Variants in CAMK2B observed in about 807,000 individuals in gnomAD.
The protein encoded by CAMK2B is calcium/calmodulin dependent protein kinase II beta.
In CAMK2B, 27 loss-of-function variants were observed where a neutral mutation model predicts 93.7. The ratio of observed to expected loss-of-function variants is 0.29; its 90% CI spans 0.21 to 0.40. The LOEUF (loss-of-function observed/expected upper bound fraction) is 0.40. Among genes scored for constraint, CAMK2B ranks in the 10% least tolerant of loss-of-function variants. The probability of loss-of-function intolerance (pLI) is 1.00; values close to 1 mark genes in which losing one functional copy is unlikely to be tolerated. For missense variants in CAMK2B, 568 were observed against 895.8 expected, an observed-to-expected ratio of 0.63 and a Z score of 4.67; for synonymous variants, 374 against 358.8, an observed-to-expected ratio of 1.04 and a Z score of -0.48.
chr7:44,257,979 G>A (rs1180682528), intron 4 of CAMK2B, among the ~76,000 whole-genome samples: 1 of 152,258 alleles, frequency 6.6e-6, no homozygotes, highest in African/African-American at 2.4e-5. Context: ...TTCTCTGGCT[G>A]TGTGGCCGCC....
intron 15 of CAMK2B, 81 bp downstream of exon 15, chr7:44,234,309 C>T: frequency 7.6e-7 from 1 of 1,308,488 alleles, no homozygotes; most frequent in Admixed American, 2.9e-5. Context: ...CCCACCTTCA[C>T]CCGGCCCCCT....
chr7:44,220,270 A>G lies in CAMK2B; in HGVS notation c.1793T>C (p.Ile598Thr). 1.2e-6 allele frequency: 2 copies of G among 1,612,876 alleles called. No homozygotes were observed. The highest frequency in any genetic ancestry group is 1.7e-6 in the Non-Finnish European group (2 of 1,179,852). ...ENLLAKNSKP[I>T]HTTILNPHVH... ...GTGTGGGTTCAGGATGGTCGTGTGG[A>G]TCGGCTTGCTGTTCTTGGCCAGCAC... is the stretch of plus-strand genomic sequence containing the variant. The change falls in exon 23 of 24, where the codon ATC becomes ACC. Residue 598 changes from isoleucine (I) to threonine (T), a missense_variant. Coordinates refer to ENST00000395749, the MANE Select transcript of CAMK2B (RefSeq NM_001220.5).
At chr7:44,294,342 C>T (rs2129150639) in intron 1 of CAMK2B, among the ~76,000 whole-genome samples, 1 of 152,286 alleles carries the variant, frequency 6.6e-6, no homozygotes, top group Middle Eastern at 3.4e-3. Context: ...GTGGCACACA[C>T]AGGTAGCAAA....
At chr7:44,324,736 T>C (rs1797031101) in intron 1 of CAMK2B, among the ~76,000 whole-genome samples, 1 of 152,050 alleles carries the variant, frequency 6.6e-6, no homozygotes, top group Admixed American at 6.5e-5. Flanking sequence ...CCTGACCTCG[T>C]CCTCCCCACA....
At chr7:44,281,722 T>A (rs1045466470) in intron 2 of CAMK2B, among the ~76,000 whole-genome samples, 1 of 152,032 alleles carries the variant, frequency 6.6e-6, no homozygotes, top group Non-Finnish European at 1.5e-5. Context: ...TTACTGGACA[T>A]CCCTCCTGAG....
At position 44,254,613 on chromosome 7, in the gene CAMK2B, G is replaced by T. The variant is rs1220712384; in HGVS notation, c.276-6C>A. 2 of 1,608,730 alleles carry T rather than the reference G, an allele frequency of 1.2e-6. No homozygotes were observed. Among genetic ancestry groups the T allele is most frequent in the Non-Finnish European group, 1.7e-6 (2 of 1,176,796 alleles). ...AGAGCTCCCCACCAGTGACCCTATG[G>T]GAGAAGCATGAAGGGGTCACAGATT... is the stretch of plus-strand genomic sequence containing the variant. On this transcript the variant is annotated splice_region_variant and splice_polypyrimidine_tract_variant and intron_variant, in intron 4 of 23. Transcript: ENST00000395749.
At chr7:44,232,898 A>G (rs1441351415) in intron 15 of CAMK2B, 32 bp from the exon 16 acceptor site, 1 of 1,600,914 alleles carries the variant, frequency 6.2e-7, no homozygotes, top group East Asian at 2.2e-5. Flanking sequence ...GAGGAAGGAA[A>G]GAGAGGGAAA....
intron 1 of CAMK2B, chr7:44,325,018 C>G (rs1797132172): frequency 6.6e-6 from 1 of 151,574 alleles, no homozygotes; most frequent in African/African-American, 2.4e-5. Context: ...CGCGCCCCTC[C>G]TCTCTGACCT....
At chr7:44,240,118 C>A (rs1012549527) in intron 12 of CAMK2B, among the ~76,000 whole-genome samples, 1 of 148,546 alleles carries the variant, frequency 6.7e-6, no homozygotes, top group African/African-American at 2.5e-5. Flanking sequence ...CTTGTCCAGA[C>A]CTGGGCTGCC....
intron 1 of CAMK2B, among the ~76,000 whole-genome samples, chr7:44,305,479 T>A (rs1791205985): frequency 6.6e-6 from 1 of 152,040 alleles, no homozygotes; most frequent in Admixed American, 6.6e-5. Flanking sequence ...CAAGCCCCAG[T>A]CTCAAAAACA....
At chr7:44,264,191 G>A (rs548047194) in intron 2 of CAMK2B, among the ~76,000 whole-genome samples, 1 of 152,284 alleles carries the variant, frequency 6.6e-6, no homozygotes, top group Admixed American at 6.5e-5. Context: ...GGAATGCCCA[G>A]TAGCACCCAG....
chr7:44,296,769 A>G (rs935475179), intron 1 of CAMK2B, among the ~76,000 whole-genome samples: 1 of 152,250 alleles, frequency 6.6e-6, no homozygotes, highest in African/African-American at 2.4e-5. Flanking sequence ...GGAGTAAAAT[A>G]TCTAAAGTGT....
chr7:44,294,681 C>T (rs769292326), intron 1 of CAMK2B, among the ~76,000 whole-genome samples: 2 of 152,182 alleles, frequency 1.3e-5, no homozygotes. Flanking sequence ...CCCCAAAGTG[C>T]ACCCAGGCCA....
chr7:44,262,799 C>A (rs1031590888), intron 3 of CAMK2B, among the ~76,000 whole-genome samples: 3 of 152,140 alleles, frequency 2.0e-5, no homozygotes, highest in African/African-American at 7.2e-5. Context: ...CTCTGAGCAC[C>A]CCCGGGAATC....
intron 5 of CAMK2B, among the ~76,000 whole-genome samples, chr7:44,252,145 T>C (rs966433916): frequency 5.9e-5 from 9 of 151,298 alleles, no homozygotes; most frequent in African/African-American, 2.2e-4. Context: ...GGCGGAGGGG[T>C]TGGCGCTCTG....
chr7:44,217,945 GC>G lies in CAMK2B; in HGVS notation c.*1579del, dbSNP rs928369057. ...CCCATGGTACACACCATCACAAGGG[GC>G]CGGGGACCCACCGCCTCGAACCCAG... On this transcript the variant is annotated 3_prime_UTR_variant, in exon 24 of 24. Transcript: ENST00000395749. 1.3e-5 allele frequency: 2 copies of G among 152,284 alleles called. No individual in the cohort carries two copies. Among genetic ancestry groups the G allele is most frequent in the Non-Finnish European group, 2.9e-5 (2 of 68,244 alleles). 9.4% of individuals were successfully genotyped at this position (152,284 alleles called of 1,614,324 possible).
At chr7:44,319,252 G>A (rs576854882) in intron 1 of CAMK2B, among the ~76,000 whole-genome samples, 2 of 152,288 alleles carry the variant, frequency 1.3e-5, no homozygotes, top group East Asian at 3.9e-4. Flanking sequence ...CTGGATGAGG[G>A]AGGTGGCATC....
intron 1 of CAMK2B, among the ~76,000 whole-genome samples, chr7:44,304,315 C>G (rs1191011128): frequency 1.3e-5 from 2 of 152,198 alleles, no homozygotes; most frequent in East Asian, 3.8e-4. Context: ...CACCTTTATT[C>G]ATGACTGTGA....
intron 1 of CAMK2B, among the ~76,000 whole-genome samples, chr7:44,316,890 T>C (rs1794940132): frequency 6.6e-6 from 1 of 152,032 alleles, no homozygotes; most frequent in Non-Finnish European, 1.5e-5. Context: ...GCAATTGGAG[T>C]CTTCTTTTTT....
Sources: allele counts gnomAD v4.1 joint callset (sites outside exome capture counted in the v4.1 genomes callset), GRCh38; gene constraint gnomAD v4.1.1; transcripts MANE v1.5; gene names NCBI Gene and HGNC (gene_info 2026-07-23, HGNC 2026-07-21).